Variants in SMCHD1 observed in about 807,000 individuals in gnomAD.
The protein encoded by SMCHD1 is structural maintenance of chromosomes flexible hinge domain-containing protein 1.
A neutral mutation model predicts 254.7 loss-of-function variants in SMCHD1; 78 were observed. The observed-to-expected ratio is 0.31, with a 90% CI of 0.26 to 0.37. SMCHD1 has a LOEUF of 0.37. SMCHD1 is among the 10% of genes least tolerant of loss of function. SMCHD1 has a pLI of 1.00. For synonymous variants in SMCHD1, 766 were observed against 794.9 expected (o/e 0.96, Z 0.61); for missense variants, 1,840 against 2,408.1 (o/e 0.76, Z 4.94).
intron 45 of SMCHD1, among the ~76,000 whole-genome samples, chr18:2,793,635 A>C (rs1051999991): frequency 2.9e-5 from 4 of 136,856 alleles, no homozygotes; most frequent in Admixed American, 8.3e-5. Flanking sequence ...ACTGCACTCC[A>C]GCCTGGGCGA....
chr18:2,744,129 AAAT>A (rs1235895057), intron 29 of SMCHD1, among the ~76,000 whole-genome samples: 2 of 152,214 alleles, frequency 1.3e-5, no homozygotes, highest in South Asian at 2.1e-4. Flanking sequence ...CATTTGTTAA[AAAT>A]AATGAGTGTA....
At position 2,694,693 on chromosome 18, in the gene SMCHD1, C is replaced by T. The variant is rs1227032781; in HGVS notation, c.1040C>T (p.Ala347Val). Residue 347 changes from alanine (A) to valine (V), a missense_variant and splice_region_variant, in exon 8 of 48, where the codon GCG becomes GTG. Around this residue, in one of 9 missense-constraint regions of SMCHD1, gnomAD observed 498 missense variants for 743.5 expected, o/e 0.67. Transcript: ENST00000320876. ...TTCCACCTTTGGACACGACAGTTAGCGTAAGTAATTATATTTGGCTTAGGA... is the reference window on the plus strand; with the variant it reads ...TTCCACCTTTGGACACGACAGTTAGTGTAAGTAATTATATTTGGCTTAGGA... ...NYFHLWTRQL[A>V]HIYHYYIHGP... 7 of 1,609,272 alleles carry T rather than the reference C, an allele frequency of 4.3e-6. No homozygotes were observed. The highest frequency in any genetic ancestry group is 4.5e-5 in the East Asian group (2 of 44,780).
intron 1 of SMCHD1, among the ~76,000 whole-genome samples, chr18:2,663,230 TGA>T (rs1304212283): frequency 1.3e-5 from 2 of 151,766 alleles, no homozygotes; most frequent in Non-Finnish European, 2.9e-5. Context: ...CTCAGCCTCT[TGA>T]GTGGTTGTGA....
At chr18:2,672,992 T>C in intron 3 of SMCHD1, 1 of 825,860 alleles carries the variant, frequency 1.2e-6, no homozygotes, top group Non-Finnish European at 1.5e-6. Flanking sequence ...TGTTTGTCTC[T>C]TAATGTCTGT....
intron 13 of SMCHD1, among the ~76,000 whole-genome samples, chr18:2,704,375 A>AT (rs1467436161): frequency 6.6e-6 from 1 of 152,002 alleles, no homozygotes; most frequent in African/African-American, 2.4e-5. Context: ...TTAAGTAATG[A>AT]TTTTTAAGTA....
chr18:2,689,227 T>TC (rs2074118316), intron 7 of SMCHD1, among the ~76,000 whole-genome samples: 1 of 149,846 alleles, frequency 6.7e-6, no homozygotes, highest in Admixed American at 6.7e-5. Flanking sequence ...TTTCTTTTTT[T>TC]TTTTTTTTGA....
chr18:2,752,779 C>G, intron 34 of SMCHD1: 1 of 408,684 alleles, frequency 2.4e-6, no homozygotes, highest in Non-Finnish European at 4.4e-6. Context: ...TTGAAACTAT[C>G]GAAGCCATCA....
At chr18:2,764,976 G>A (rs1256231884) in intron 37 of SMCHD1, among the ~76,000 whole-genome samples, 3 of 152,162 alleles carry the variant, frequency 2.0e-5, no homozygotes, top group African/African-American at 7.2e-5. Flanking sequence ...CCTGCCAGAA[G>A]TATATGTCTA....
intron 1 of SMCHD1, among the ~76,000 whole-genome samples, chr18:2,656,833 G>A (rs912696241): frequency 1.3e-5 from 2 of 152,184 alleles, no homozygotes; most frequent in Admixed American, 6.5e-5. Flanking sequence ...CACTTGTCCA[G>A]GTCAGCTCTG....
rs773540627 is a variant in SMCHD1, at chr18:2,700,557, A to G, written c.1361A>G (p.Asp454Gly). 1.2e-6 allele frequency: 2 copies of G among 1,609,492 alleles called. No homozygotes were observed. The highest frequency in any genetic ancestry group is 1.1e-5 in the South Asian group (1 of 89,892). Reference protein sequence around the residue: ...CFPSKLKDEDDEDDCFILEKA... With the variant: ...CFPSKLKDEDGEDDCFILEKA... ...GATCTAGAATTAAAAGATGAAGATG[A>G]TGAAGATGATTGTTTCATACTTGAG... Residue 454 changes from aspartate to glycine, a missense_variant, in exon 11 of 48, where the codon GAT (aspartate) becomes GGT (glycine). Physicochemically the swap from Asp to Gly is moderately conservative, Grantham distance 94 (BLOSUM62 -1). This residue lies in a region of SMCHD1 where 498 missense variants were observed against 743.5 expected (regional missense o/e 0.67). Coordinates refer to ENST00000320876, the MANE Select transcript of SMCHD1 (RefSeq NM_015295.3).
Position 2,718,278 on chromosome 18 carries a change from G to C in SMCHD1, c.2339-37G>C. On this transcript the variant is annotated intron_variant, in intron 18 of 47. Coordinates refer to ENST00000320876, the MANE Select transcript of SMCHD1 (RefSeq NM_015295.3). The surrounding 1 kb of genome is among the most constrained non-coding windows in gnomAD (Gnocchi z 4.6). ...ATGTTAAAAAATACATTGGTATTGT[G>C]TTGACTTGATTTTTAATTTCTTCTT... is the stretch of plus-strand genomic sequence containing the variant. 1 of 1,608,956 alleles carries C rather than the reference G, an allele frequency of 6.2e-7. No individual in the cohort carries two copies. The highest frequency in any genetic ancestry group is 8.5e-7 in the Non-Finnish European group (1 of 1,177,478).
At chr18:2,666,119 T>G (rs757800306) in intron 1 of SMCHD1, 38 bp from the exon 2 acceptor site, 1 of 929,302 alleles carries the variant, frequency 1.1e-6, no homozygotes, top group Non-Finnish European at 1.7e-6. Context: ...ATTTATTTCC[T>G]TTGTGTAATA....
intron 5 of SMCHD1, among the ~76,000 whole-genome samples, chr18:2,687,543 T>TTATGTATCTTGTTTGGGCTCTTTTGTC (rs1407141357): frequency 6.6e-6 from 1 of 152,186 alleles, no homozygotes; most frequent in Non-Finnish European, 1.5e-5. Flanking sequence ...TGATTTCTTT[T>TTATGTATCTTGTTTGGGCTCTTTTGTC]TATGTATCTT....
chr18:2,774,556 T>C (rs2143764797), intron 41 of SMCHD1, among the ~76,000 whole-genome samples: 1 of 152,118 alleles, frequency 6.6e-6, no homozygotes, highest in Middle Eastern at 3.4e-3. Flanking sequence ...GACTACAGTT[T>C]CGTGCCACCA....
At chr18:2,729,828 C>T (rs2143466206) in intron 24 of SMCHD1, among the ~76,000 whole-genome samples, 1 of 152,014 alleles carries the variant, frequency 6.6e-6, no homozygotes, top group South Asian at 2.1e-4. Flanking sequence ...CTCACCTCAG[C>T]CTCCCAAGTA....
At chr18:2,738,703 TTTG>T (rs1375025802) in intron 26 of SMCHD1, among the ~76,000 whole-genome samples, 158 bp downstream of exon 26, 2 of 152,240 alleles carry the variant, frequency 1.3e-5, no homozygotes, top group Non-Finnish European at 2.9e-5. Flanking sequence ...GCGATTAATT[TTTG>T]TTATCACTGT....
At chr18:2,792,951 C>G (rs181060590) in intron 45 of SMCHD1, among the ~76,000 whole-genome samples, 20 of 152,324 alleles carry the variant, frequency 1.3e-4, no homozygotes, top group Admixed American at 1.2e-3. Context: ...CACAGCTTGC[C>G]TCTATCCTCC....
At chr18:2,685,195 G>A (rs1231841025) in intron 5 of SMCHD1, among the ~76,000 whole-genome samples, 1 of 140,034 alleles carries the variant, frequency 7.1e-6, no homozygotes, top group Non-Finnish European at 1.5e-5. Flanking sequence ...TGCCTCCCGG[G>A]TTCACGCCAT....
At chr18:2,694,378 T>G (rs1568159818) in intron 7 of SMCHD1, 149 bp from the exon 8 acceptor site, 3 of 648,350 alleles carry the variant, frequency 4.6e-6, no homozygotes, top group East Asian at 2.8e-5. Flanking sequence ...ACTCAGCCAG[T>G]TTGTTGTATT....
Sources: allele counts gnomAD v4.1 joint callset (sites outside exome capture counted in the v4.1 genomes callset), GRCh38; gene constraint gnomAD v4.1.1; regional missense constraint gnomAD v4.1.1; non-coding constraint Gnocchi (gnomAD v3.1); transcripts MANE v1.5; gene names NCBI Gene and HGNC (gene_info 2026-07-23, HGNC 2026-07-21).